The following APBA2 variants were observed in gnomAD, a reference collection of about 807,000 sequenced individuals.
The protein encoded by APBA2 is amyloid beta precursor protein binding family A member 2.
In APBA2, 30 loss-of-function variants were observed where a neutral mutation model predicts 75.0. That is an observed-to-expected ratio of 0.40 (90% confidence interval 0.30 to 0.54). APBA2 has a LOEUF of 0.54. APBA2 is among the 20% of genes least tolerant of loss of function. The pLI is 0.49. For synonymous variants in APBA2, 444 were observed against 409.6 expected (o/e 1.08, Z -1.01); for missense variants, 801 against 1,016.1 (o/e 0.79, Z 2.88).
intron 2 of APBA2, among the ~76,000 whole-genome samples, chr15:28,933,154 C>G (rs1463240824): frequency 1.3e-5 from 2 of 152,122 alleles, no homozygotes; most frequent in Non-Finnish European, 2.9e-5. Flanking sequence ...GCTTTCAGGA[C>G]CTAATCACCT....
intron 2 of APBA2, among the ~76,000 whole-genome samples, chr15:28,959,281 T>G (rs2036339601): frequency 6.6e-6 from 1 of 152,140 alleles, no homozygotes; most frequent in African/African-American, 2.4e-5. Flanking sequence ...GCCTCCGCAT[T>G]CAAATATATG....
At chr15:28,929,302 C>T (rs2034440400) in intron 2 of APBA2, among the ~76,000 whole-genome samples, 1 of 152,146 alleles carries the variant, frequency 6.6e-6, no homozygotes, top group Non-Finnish European at 1.5e-5. Context: ...AATGAATACA[C>T]CGAAAGGGAT....
intron 2 of APBA2, among the ~76,000 whole-genome samples, chr15:28,926,335 G>A (rs1412503306): frequency 6.6e-6 from 1 of 152,008 alleles, no homozygotes; most frequent in Non-Finnish European, 1.5e-5. Flanking sequence ...CTTTTTAAAA[G>A]TTTTACAATA....
chr15:28,947,145 A>C (rs1027988808), intron 2 of APBA2, among the ~76,000 whole-genome samples: 1 of 152,202 alleles, frequency 6.6e-6, no homozygotes, highest in African/African-American at 2.4e-5. Context: ...GCCACAGCGC[A>C]CTTGCAGCTC....
intron 9 of APBA2, 30 bp downstream of exon 9, chr15:29,098,606 A>G (rs755697994): frequency 6.4e-7 from 1 of 1,564,576 alleles, no homozygotes. Flanking sequence ...GTTCAAAATC[A>G]GGTAAACTCC....
intron 3 of APBA2, among the ~76,000 whole-genome samples, chr15:29,002,239 G>A (rs2038886552): frequency 6.6e-6 from 1 of 152,224 alleles, no homozygotes; most frequent in South Asian, 2.1e-4. Flanking sequence ...CACAAGGTGT[G>A]CTTGGATGAA....
intron 3 of APBA2, among the ~76,000 whole-genome samples, chr15:29,034,365 C>T (rs1333884212): frequency 3.3e-5 from 5 of 152,164 alleles, no homozygotes; most frequent in East Asian, 1.9e-4. Context: ...AACTTTGGAA[C>T]GCACCACGAA....
intron 3 of APBA2, among the ~76,000 whole-genome samples, chr15:29,036,553 C>T (rs776833436): frequency 3.3e-5 from 5 of 152,160 alleles, no homozygotes; most frequent in Non-Finnish European, 5.9e-5. Context: ...GGGGCCTCCC[C>T]ACTGGACTGG....
At chr15:28,924,843 C>T (rs911360120) in intron 2 of APBA2, among the ~76,000 whole-genome samples, 1 of 152,150 alleles carries the variant, frequency 6.6e-6, no homozygotes, top group African/African-American at 2.4e-5. Flanking sequence ...AAACTGTTTT[C>T]CACCACAGCT....
At chr15:29,023,905 A>ATT (rs200312116) in intron 3 of APBA2, among the ~76,000 whole-genome samples, 5 of 134,008 alleles carry the variant, frequency 3.7e-5, no homozygotes, top group Admixed American at 7.3e-5. Flanking sequence ...CTTTTTGTCG[A>ATT]TTTTTTTTTT....
intron 4 of APBA2, among the ~76,000 whole-genome samples, chr15:29,062,801 C>T (rs954060672): frequency 1.3e-5 from 2 of 152,214 alleles, no homozygotes; most frequent in South Asian, 2.1e-4. Flanking sequence ...GCTGGAGCCA[C>T]AGTCAGGAAG....
chr15:29,117,161 G>C lies in APBA2; in HGVS notation c.*28G>C. The C allele has an allele frequency of 6.2e-7, 1 of 1,611,382 alleles. No homozygotes were observed. Among genetic ancestry groups the C allele is most frequent in the Non-Finnish European group, 8.5e-7 (1 of 1,178,640 alleles). On this transcript the variant is annotated 3_prime_UTR_variant, in exon 15 of 15. Transcript: ENST00000683413. ...CACCCCAGCCTGGCCACGCAGCCAG[G>C]ACACCGGGCAGGGCCGCCCGGGCCC...
chr15:29,035,122 G>A (rs2040678986), intron 3 of APBA2, among the ~76,000 whole-genome samples: 1 of 152,166 alleles, frequency 6.6e-6, no homozygotes, highest in Non-Finnish European at 1.5e-5. Flanking sequence ...TGATGGGCAA[G>A]TGCAGGCTGT....
intron 2 of APBA2, among the ~76,000 whole-genome samples, chr15:28,960,639 G>C (rs1018450641): frequency 6.6e-6 from 1 of 152,076 alleles, no homozygotes; most frequent in Non-Finnish European, 1.5e-5. Context: ...GGTATGGGAA[G>C]GGTTTGTGGA....
At chr15:29,045,090 TCTCTCTCTC>T (rs769547844) in intron 3 of APBA2, among the ~76,000 whole-genome samples, 11,791 of 144,476 alleles carry the variant, frequency 0.082, 1,714 homozygotes, top group African/African-American at 0.3. Flanking sequence ...TCTCTCTCTC[TCTCTCTCTC>T]TCTCGTCTCG....
intron 2 of APBA2, among the ~76,000 whole-genome samples, chr15:28,976,651 G>A (rs966936208): frequency 6.6e-6 from 1 of 152,312 alleles, no homozygotes; most frequent in East Asian, 1.9e-4. Context: ...ATTACACCAA[G>A]TTGACATGCC....
At chr15:29,005,231 TTCC>T (rs2039051746) in intron 3 of APBA2, among the ~76,000 whole-genome samples, 1 of 152,202 alleles carries the variant, frequency 6.6e-6, no homozygotes, top group African/African-American at 2.4e-5. Context: ...AAGCCTTGAT[TTCC>T]TTATCTGGAC....
chr15:28,888,718 T>C (rs1210176708), intron 1 of APBA2, among the ~76,000 whole-genome samples: 1 of 152,096 alleles, frequency 6.6e-6, no homozygotes, highest in East Asian at 1.9e-4. Flanking sequence ...CCTTAGAGAA[T>C]GGGGAGAGTG....
chr15:28,902,709 G>A (rs908848110), intron 1 of APBA2, among the ~76,000 whole-genome samples: 2 of 152,188 alleles, frequency 1.3e-5, no homozygotes, highest in African/African-American at 4.8e-5. Flanking sequence ...CAGTTTTTCT[G>A]TAAGTCTAGA....
Sources: allele counts gnomAD v4.1 joint callset (sites outside exome capture counted in the v4.1 genomes callset), GRCh38; gene constraint gnomAD v4.1.1; transcripts MANE v1.5; gene names NCBI Gene and HGNC (gene_info 2026-07-23, HGNC 2026-07-21).